The following MSANTD1 variants were observed in gnomAD, a reference collection of about 807,000 sequenced individuals.
MSANTD1 encodes the protein Myb/SANT DNA binding domain containing 1, also known as myb/SANT-like DNA-binding domain-containing protein 1.
In MSANTD1, 7 loss-of-function variants were observed where a neutral mutation model predicts 24.2. That is an observed-to-expected ratio of 0.29 (90% CI 0.16 to 0.54). The LOEUF (loss-of-function observed/expected upper bound fraction) is 0.54, where lower values mean the gene tolerates loss of function less well. MSANTD1 is among the 20% of genes least tolerant of loss of function. The probability of loss-of-function intolerance (pLI) is 0.94; values close to 1 mark genes in which losing one functional copy is unlikely to be tolerated. For synonymous variants in MSANTD1, 177 were observed against 181.1 expected, an observed-to-expected ratio of 0.98 and a Z score of 0.18; for missense variants, 384 against 408.2, an observed-to-expected ratio of 0.94 and a Z score of 0.51.
upstream of MSANTD1, chr4:3,248,882 G>A (rs1722118997): frequency 1.2e-5 from 3 of 255,414 alleles, no homozygotes; most frequent in East Asian, 7.2e-5. Flanking sequence ...GTTCCCACCC[G>A]AGGCCCCCTC....
chr4:3,249,640 T>TG (rs1241929439), intron 1 of MSANTD1, 98 bp downstream of exon 1: 4 of 1,238,924 alleles, frequency 3.2e-6, no homozygotes, highest in Non-Finnish European at 4.5e-6. Context: ...GGACGATGTG[T>TG]GGGTCGTGGC....
At chr4:3,253,615 T>C in intron 2 of MSANTD1, 133 bp downstream of exon 2, 1 of 951,714 alleles carries the variant, frequency 1.1e-6, no homozygotes, top group Non-Finnish European at 1.5e-6. Flanking sequence ...GGGCAGCGCC[T>C]CCAGGGACAG....
chr4:3,253,196 T>G lies in MSANTD1; in HGVS notation c.321-11T>G. ...GTTTCTCACCCTTGGCTCTTGTGTCTCTCGTTTCAGGAAATTAAAATGCAT... is the reference window on the plus strand; with the variant it reads ...GTTTCTCACCCTTGGCTCTTGTGTCGCTCGTTTCAGGAAATTAAAATGCAT... On this transcript the variant is annotated splice_polypyrimidine_tract_variant and intron_variant, in intron 1 of 2. Coordinates refer to ENST00000438480, the MANE Select transcript of MSANTD1 (RefSeq NM_001042690.2). The G allele has an allele frequency of 1.3e-6, 2 of 1,529,378 alleles. No homozygotes were observed. The highest frequency in any genetic ancestry group is 1.8e-6 in the Non-Finnish European group (2 of 1,131,138). 94.7% of individuals were successfully genotyped at this position (1,529,378 alleles called of 1,614,324 possible). A position where few individuals can be genotyped will look rare whatever the true frequency, so the allele number is the denominator to read the frequency against.
chr4:3,247,183 C>A (rs1722056205), upstream of MSANTD1, among the ~76,000 whole-genome samples: 1 of 152,116 alleles, frequency 6.6e-6, no homozygotes. Context: ...GGGCTGTGCC[C>A]CCTTAGCCAG....
chr4:3,255,144 G>T (rs1248916236), intron 2 of MSANTD1, among the ~76,000 whole-genome samples: 1 of 152,164 alleles, frequency 6.6e-6, no homozygotes, highest in Non-Finnish European at 1.5e-5. Flanking sequence ...AGACCGAAGG[G>T]GTGTGGATTG....
intron 2 of MSANTD1, 26 bp downstream of exon 2, chr4:3,253,508 T>G: frequency 6.8e-7 from 1 of 1,473,532 alleles, no homozygotes; most frequent in Non-Finnish European, 9.0e-7. Flanking sequence ...GTCCTTCCCC[T>G]GCCCTGGGGT....
intron 1 of MSANTD1, among the ~76,000 whole-genome samples, chr4:3,251,272 G>A (rs1413500215): frequency 2.0e-5 from 3 of 152,200 alleles, no homozygotes; most frequent in Non-Finnish European, 4.4e-5. Context: ...AGGAATTCAC[G>A]GGCACCACCT....
intron 1 of MSANTD1, among the ~76,000 whole-genome samples, chr4:3,252,045 C>T (rs1722245550): frequency 6.6e-6 from 1 of 152,218 alleles, no homozygotes; most frequent in Non-Finnish European, 1.5e-5. Flanking sequence ...TTCCAACGGC[C>T]AATGGCCACA....
rs1560619070 is a variant in MSANTD1 at position 3,255,821 on chromosome 4, C to T, written c.693C>T (p.Arg231=). 2 of 1,546,130 alleles carry T rather than the reference C, an allele frequency of 1.3e-6. No homozygotes were observed. The highest frequency in any genetic ancestry group is 8.7e-7 in the Non-Finnish European group (1 of 1,146,658). ...RLLEAMVEEQ[R]RLSRAVEETC... is the part of the protein sequence containing the mutation. ...TGGAGGCCATGGTGGAGGAGCAGCG[C>T]CGGCTGAGCCGCGCCGTGGAGGAGA... The change falls in exon 3 of 3, where the codon CGC becomes CGT. Residue 231 remains arginine (R), a synonymous_variant. Coordinates refer to ENST00000438480, the MANE Select transcript of MSANTD1 (RefSeq NM_001042690.2).
Position 3,256,147 on chromosome 4 carries a change from A to T in MSANTD1, c.*182A>T. ...TTTGAGGAACCCCCAGGCCCTGGGG[A>T]CCGTGAGGCTCCAGTCTCCAGCATG... is the stretch of plus-strand genomic sequence containing the variant. On this transcript the variant is annotated 3_prime_UTR_variant, in exon 3 of 3. Transcript: ENST00000438480. The T allele has an allele frequency of 1.5e-6, 1 of 661,932 alleles. No individual in the cohort carries two copies. The highest frequency in any genetic ancestry group is 2.3e-6 in the Non-Finnish European group (1 of 428,614). 41.0% of individuals were successfully genotyped at this position (661,932 alleles called of 1,614,324 possible). A position where few individuals can be genotyped will look rare whatever the true frequency, so the allele number is the denominator to read the frequency against.
intron 1 of MSANTD1, among the ~76,000 whole-genome samples, chr4:3,251,019 C>T (rs1215783112): frequency 6.6e-6 from 1 of 152,262 alleles, no homozygotes; most frequent in African/African-American, 2.4e-5. Context: ...GGCCCCTAGG[C>T]AGGCCCCAAA....
intron 1 of MSANTD1, 104 bp downstream of exon 1, chr4:3,249,646 G>A (rs370018652): frequency 1.4e-5 from 16 of 1,168,742 alleles, no homozygotes; most frequent in South Asian, 4.5e-5. Flanking sequence ...TGTGTGGGTC[G>A]TGGCCTGCCT....
At chr4:3,244,542 G>C (rs1048285212), upstream of MSANTD1, 2 of 152,280 alleles carry the variant, frequency 1.3e-5, no homozygotes, top group African/African-American at 4.8e-5. Flanking sequence ...GTCTATTCTA[G>C]CTTGTTTGTC....
Position 3,249,162 on chromosome 4 carries a change from T to A in MSANTD1, c.-61T>A, listed in dbSNP as rs1722128172. On this transcript the variant is annotated 5_prime_UTR_variant, in exon 1 of 3. The change abolishes an upstream ATG in the 5' untranslated region. Transcript: ENST00000438480. ...TTTAACTAAATTCCTGCCTGTCAGATGTAGGCCCCATTTTGAGCGTGGAGC... is the reference window on the plus strand; with the variant it reads ...TTTAACTAAATTCCTGCCTGTCAGAAGTAGGCCCCATTTTGAGCGTGGAGC... 4 of 1,312,090 alleles carry A rather than the reference T, an allele frequency of 3.0e-6. No homozygotes were observed. The highest frequency in any genetic ancestry group is 3.9e-6 in the Non-Finnish European group (4 of 1,025,462). The allele number at this position is 1,312,090 out of a possible 1,614,324, so 81.3% of individuals were successfully genotyped here.
At chr4:3,248,970 C>T (rs1261668152), upstream of MSANTD1, 2 of 371,654 alleles carry the variant, frequency 5.4e-6, no homozygotes, top group Non-Finnish European at 9.5e-6. Flanking sequence ...GGCCGGGAGC[C>T]GGGCCGCTGG....
rs937591160 is a variant in MSANTD1 at position 3,256,060 on chromosome 4, G to A, written c.*95G>A. The A allele has an allele frequency of 2.0e-5, 27 of 1,373,250 alleles. No individual in the cohort carries two copies. The highest frequency in any genetic ancestry group is 1.3e-4 in the Admixed American group (4 of 30,198). The allele number at this position is 1,373,250 out of a possible 1,614,324, so 85.1% of individuals were successfully genotyped here. ...CTCAGGCCAGGCGGGCAAGGGGGCC[G>A]CCCCGCGAGCGGAGACCGCCTTCCA... On this transcript the variant is annotated 3_prime_UTR_variant, in exon 3 of 3. Transcript: ENST00000438480.
Position 3,256,170 on chromosome 4 carries a change from A to G in MSANTD1, c.*205A>G, listed in dbSNP as rs1390079506. On this transcript the variant is annotated 3_prime_UTR_variant, in exon 3 of 3. Transcript: ENST00000438480. ...GGACCGTGAGGCTCCAGTCTCCAGC[A>G]TGAATGCCCTTCCTCGGACACAGGC... 1 of 551,282 alleles carries G rather than the reference A, an allele frequency of 1.8e-6. No individual in the cohort carries two copies. The highest frequency in any genetic ancestry group is 2.0e-5 in the African/African-American group (1 of 49,774). 34.1% of individuals were successfully genotyped at this position (551,282 alleles called of 1,614,324 possible).
At position 3,253,500 on chromosome 4, in the gene MSANTD1, C is replaced by A; in HGVS notation, c.596+18C>A. On this transcript the variant is annotated intron_variant, in intron 2 of 2. Coordinates refer to ENST00000438480, the MANE Select transcript of MSANTD1 (RefSeq NM_001042690.2). ...AAGTTCAGGTAGTGTGTCTGCTTGT[C>A]CTTCCCCTGCCCTGGGGTATCTCAG... 1.3e-6 allele frequency: 2 copies of A among 1,498,676 alleles called. No homozygotes were observed. Among genetic ancestry groups the A allele is most frequent in the Non-Finnish European group, 8.9e-7 (1 of 1,117,618 alleles). 92.8% of individuals were successfully genotyped at this position (1,498,676 alleles called of 1,614,324 possible).
Position 3,255,852 on chromosome 4 carries a change from C to T in MSANTD1, c.724C>T (p.Arg242Cys), listed in dbSNP as rs1024795867. Residue 242 changes from arginine (R) to cysteine (C), a missense_variant, in exon 3 of 3, where the codon CGC (arginine) becomes TGC (cysteine). Physicochemically the swap from Arg to Cys is radical, Grantham distance 180. Coordinates refer to ENST00000438480, the MANE Select transcript of MSANTD1 (RefSeq NM_001042690.2). Reference sequence around the variant, plus strand: ...GAGCCGCGCCGTGGAGGAGACCTGCCGCGAGGTGCGCCGCGTGCTGGACCA... The same window carrying T: ...GAGCCGCGCCGTGGAGGAGACCTGCTGCGAGGTGCGCCGCGTGCTGGACCA... ...RLSRAVEETC[R>C]EVRRVLDQQH... 2.9e-5 allele frequency: 45 copies of T among 1,545,254 alleles called. No individual in the cohort carries two copies. The highest frequency in any genetic ancestry group is 9.8e-5 in the Admixed American group (5 of 50,970).
Sources: allele counts gnomAD v4.1 joint callset (sites outside exome capture counted in the v4.1 genomes callset), GRCh38; gene constraint gnomAD v4.1.1; transcripts MANE v1.5; gene names NCBI Gene and HGNC (gene_info 2026-07-23, HGNC 2026-07-21).